Variants in GRIP1 observed in about 807,000 individuals in gnomAD.
The protein encoded by GRIP1 is glutamate receptor interacting protein 1, also known as glutamate receptor-interacting protein 1.
In GRIP1, 45 loss-of-function variants were observed where a neutral mutation model predicts 129.9. The observed-to-expected ratio is 0.35, with a 90% CI of 0.27 to 0.44. The LOEUF (loss-of-function observed/expected upper bound fraction) is 0.44, where lower values mean the gene tolerates loss of function less well. GRIP1 is among the 20% of genes least tolerant of loss of function. The pLI is 1.00. For missense variants in GRIP1, 1,196 were observed against 1,396.8 expected (o/e 0.86, Z 2.29); for synonymous variants, 530 against 520.8 (o/e 1.02, Z -0.24).
At chr12:67,057,286 G>A (rs1441820033) in intron 1 of GRIP1, among the ~76,000 whole-genome samples, 4 of 151,992 alleles carry the variant, frequency 2.6e-5, no homozygotes, top group Non-Finnish European at 5.9e-5. Context: ...ACACCAGAGA[G>A]CTTTCACTCC....
intron 1 of GRIP1, among the ~76,000 whole-genome samples, chr12:66,879,443 A>G (rs956705177): frequency 2.6e-5 from 4 of 152,176 alleles, no homozygotes; most frequent in African/African-American, 9.7e-5. Context: ...TAAATAAATA[A>G]GGCACAGAGA....
chr12:66,777,970 C>G (rs529342082), intron 1 of GRIP1, among the ~76,000 whole-genome samples: 1 of 152,138 alleles, frequency 6.6e-6, no homozygotes, highest in African/African-American at 2.4e-5. Context: ...AGCTAATGAG[C>G]ACTTGAAACA....
intron 1 of GRIP1, among the ~76,000 whole-genome samples, chr12:66,893,090 C>A (rs1178393880): frequency 1.3e-5 from 2 of 152,196 alleles, no homozygotes; most frequent in African/African-American, 4.8e-5. Context: ...TAAACCCCAA[C>A]AACCACTGAT....
chr12:66,788,284 T>C lies in GRIP1; in HGVS notation c.-420+15769A>G, dbSNP rs374444255. Among the ~76,000 whole-genome samples, 12 of 152,060 alleles carry C rather than the reference T, an allele frequency of 7.9e-5. No homozygotes were observed. The South Asian group carries it at 1.7e-3, about 21-fold the overall frequency. ...AAAGCCAGTTTGAGCTGCACTTCTG[T>C]AGCTTTCCCTTAAAAAGTCTGGACA... is the stretch of plus-strand genomic sequence containing the variant. On this transcript the variant is annotated intron_variant, in intron 1 of 4. Transcript: ENST00000538373.
chr12:66,889,920 GT>G (rs5798842), intron 1 of GRIP1, among the ~76,000 whole-genome samples: 2 of 150,424 alleles, frequency 1.3e-5, no homozygotes, highest in African/African-American at 4.9e-5. Context: ...CTCAGCTACT[GT>G]TTTTTTTTGT....
intron 1 of GRIP1, among the ~76,000 whole-genome samples, chr12:66,639,501 C>G (rs1038847279): frequency 6.6e-6 from 1 of 152,042 alleles, no homozygotes; most frequent in Non-Finnish European, 1.5e-5. Flanking sequence ...GTGGGAGGAG[C>G]AGAGATCAAA....
chr12:66,895,130 G>C (rs1327839322), intron 1 of GRIP1, among the ~76,000 whole-genome samples: 1 of 152,230 alleles, frequency 6.6e-6, no homozygotes, highest in Non-Finnish European at 1.5e-5. Flanking sequence ...GGATAGGTCT[G>C]TGGATTGTTC....
At chr12:66,872,121 A>T (rs2040305976) in intron 1 of GRIP1, among the ~76,000 whole-genome samples, 1 of 151,912 alleles carries the variant, frequency 6.6e-6, no homozygotes, top group African/African-American at 2.4e-5. Flanking sequence ...AAGTTCCAAG[A>T]CTCCCTTCCA....
At chr12:67,035,115 G>A (rs1057355925) in intron 1 of GRIP1, among the ~76,000 whole-genome samples, 31 of 152,116 alleles carry the variant, frequency 2.0e-4, no homozygotes, top group African/African-American at 7.5e-4. Context: ...CGGGTGCTGT[G>A]GAAAGTTGGA....
intron 7 of GRIP1, among the ~76,000 whole-genome samples, chr12:66,472,993 G>A (rs1167957524): frequency 1.3e-5 from 2 of 152,152 alleles, no homozygotes; most frequent in Admixed American, 1.3e-4. Flanking sequence ...CACTCCCCTG[G>A]AAAGGAGGCA....
intron 1 of GRIP1, among the ~76,000 whole-genome samples, chr12:66,708,844 A>C (rs922668325): frequency 6.6e-6 from 1 of 151,762 alleles, no homozygotes; most frequent in African/African-American, 2.4e-5. Context: ...CCCTCAAGTA[A>C]ATTTAGTTGT....
intron 1 of GRIP1, among the ~76,000 whole-genome samples, chr12:66,667,081 T>G (rs2033838313): frequency 6.6e-6 from 1 of 152,168 alleles, no homozygotes; most frequent in African/African-American, 2.4e-5. Flanking sequence ...AAAACATGTT[T>G]GAATTTGGAG....
intron 1 of GRIP1, among the ~76,000 whole-genome samples, chr12:67,005,001 A>G (rs1434525788): frequency 6.9e-6 from 1 of 145,866 alleles, no homozygotes; most frequent in African/African-American, 2.6e-5. Flanking sequence ...AAGTCATAAG[A>G]TGAACTTTGT....
intron 1 of GRIP1, among the ~76,000 whole-genome samples, chr12:66,654,201 A>T (rs2032994381): frequency 6.6e-6 from 1 of 152,172 alleles, no homozygotes; most frequent in Non-Finnish European, 1.5e-5. Flanking sequence ...AATTTGGACA[A>T]GAAGAAGTGA....
intron 10 of GRIP1, 30 bp from the exon 11 acceptor site, chr12:66,455,594 C>T (rs755930598): frequency 6.2e-7 from 1 of 1,608,502 alleles, no homozygotes; most frequent in South Asian, 1.1e-5. Flanking sequence ...TTGCACAGAG[C>T]ACTCTCAGGT....
At chr12:66,829,426 C>T (rs543657000) in intron 1 of GRIP1, among the ~76,000 whole-genome samples, 1 of 152,276 alleles carries the variant, frequency 6.6e-6, no homozygotes, top group East Asian at 1.9e-4. Context: ...GGATTTCTGA[C>T]ATCCAGAACT....
chr12:66,742,583 G>C (rs2036820687), intron 1 of GRIP1, among the ~76,000 whole-genome samples: 2 of 152,076 alleles, frequency 1.3e-5, no homozygotes, highest in African/African-American at 4.8e-5. Context: ...GGATAAGAAG[G>C]ATCTATGGCT....
chr12:67,053,272 G>A (rs1218905006), intron 1 of GRIP1, among the ~76,000 whole-genome samples: 2 of 152,182 alleles, frequency 1.3e-5, no homozygotes, highest in East Asian at 3.9e-4. Context: ...GGGGGATAAG[G>A]AGAGAAACCA....
chr12:66,800,957 A>G (rs982168977), intron 1 of GRIP1, among the ~76,000 whole-genome samples: 3 of 152,142 alleles, frequency 2.0e-5, no homozygotes, highest in African/African-American at 4.8e-5. Context: ...TCAGTGATAG[A>G]TTATGACCCT....
Sources: gnomAD v4.1 joint callset for allele counts (sites outside exome capture counted in the v4.1 genomes callset) on GRCh38, gnomAD v4.1.1 for gene constraint, MANE v1.5 for transcripts, NCBI Gene and HGNC (gene_info 2026-07-23, HGNC 2026-07-21) for gene names.